NALF1: variants seen among roughly 807,000 people sequenced by gnomAD.
The protein encoded by NALF1 is NALCN channel auxiliary factor 1.
In NALF1, 3 loss-of-function variants were observed where a neutral mutation model predicts 48.4. The ratio of observed to expected loss-of-function variants is 0.06; its 90% CI spans 0.03 to 0.16. NALF1 has a LOEUF of 0.16. NALF1 is among the 10% of genes least tolerant of loss of function. The pLI is 1.00. For synonymous variants in NALF1, 262 were observed against 245.7 expected (o/e 1.07, Z -0.62); for missense variants, 526 against 571.5 (o/e 0.92, Z 0.81).
chr13:107,410,551 T>TACACATACATGTGCATGCAC (rs560357571), intron 1 of NALF1, among the ~76,000 whole-genome samples: 94 of 152,212 alleles, frequency 6.2e-4, no homozygotes, highest in Non-Finnish European at 1.1e-3. Context: ...CAATTAAAAA[T>TACACATACATGTGCATGCAC]ACACATACAT....
At chr13:107,834,037 G>T (rs557519348) in intron 1 of NALF1, among the ~76,000 whole-genome samples, 1 of 152,036 alleles carries the variant, frequency 6.6e-6, no homozygotes, top group South Asian at 2.1e-4. Flanking sequence ...AAATAATAAT[G>T]ATAGTAATCA....
chr13:107,703,163 T>G (rs1881865544), intron 1 of NALF1, among the ~76,000 whole-genome samples: 1 of 152,200 alleles, frequency 6.6e-6, no homozygotes, highest in South Asian at 2.1e-4. Flanking sequence ...TCACTCTTCT[T>G]ATTCACCTAC....
intron 1 of NALF1, among the ~76,000 whole-genome samples, chr13:107,256,211 T>A (rs536294579): frequency 1.1e-4 from 17 of 152,354 alleles, no homozygotes; most frequent in African/African-American, 3.8e-4. Context: ...TATTGTACTT[T>A]GTTGTACTGC....
intron 1 of NALF1, among the ~76,000 whole-genome samples, chr13:107,340,105 A>T (rs576436631): frequency 6.6e-6 from 1 of 152,056 alleles, no homozygotes; most frequent in East Asian, 1.9e-4. Flanking sequence ...TCTGTGTCTC[A>T]TGCTCAACTG....
In NALF1 at chr13:107,235,277, T is replaced by C. The variant is rs142458471; in HGVS notation, c.916-24522A>G. ...TTAATTATTATGTATGTGCTAATAA[T>C]TGCCTCTATTGAAAATTTCTGCTGC... On this transcript the variant is annotated intron_variant, in intron 1 of 2. Coordinates refer to ENST00000375915, the MANE Select transcript of NALF1 (RefSeq NM_001080396.3). Among the ~76,000 whole-genome samples the C allele has an allele frequency of 5.9e-3, 898 of 152,316 alleles. 7 individuals are homozygous for C. The highest frequency in any genetic ancestry group is 0.041 in the East Asian group (212 of 5,178).
chr13:107,397,537 G>T (rs1365838416), intron 1 of NALF1, among the ~76,000 whole-genome samples: 1 of 152,132 alleles, frequency 6.6e-6, no homozygotes, highest in Non-Finnish European at 1.5e-5. Flanking sequence ...AGGCAGTCAC[G>T]TAGGATTCTA....
chr13:107,525,619 G>C (rs1477134754), intron 1 of NALF1, among the ~76,000 whole-genome samples: 2 of 152,030 alleles, frequency 1.3e-5, no homozygotes, highest in East Asian at 3.9e-4. Flanking sequence ...CTGTCTGTCT[G>C]GGTAAATACT....
At chr13:107,528,822 C>T (rs1006823410) in intron 1 of NALF1, among the ~76,000 whole-genome samples, 1 of 151,992 alleles carries the variant, frequency 6.6e-6, no homozygotes, top group Admixed American at 6.6e-5. Flanking sequence ...AGTAAAGGAC[C>T]CAGCACAATC....
At chr13:107,720,416 C>T (rs537318523) in intron 1 of NALF1, among the ~76,000 whole-genome samples, 37 of 138,778 alleles carry the variant, frequency 2.7e-4, no homozygotes, top group African/African-American at 9.7e-4. Flanking sequence ...GAGGCTGAGG[C>T]AAGAGAATCG....
chr13:107,433,742 G>C lies in NALF1; in HGVS notation c.916-222987C>G, dbSNP rs1221509972. Among the ~76,000 whole-genome samples, 3 of 151,886 alleles carry C rather than the reference G, an allele frequency of 2.0e-5. No individual in the cohort carries two copies. In the East Asian group the frequency reaches 5.8e-4, roughly 29 times the overall value. ...CATCATCACAGATTATATACTATCA[G>C]AAATTCTCAGAGAAATAATAGATTT... On this transcript the variant is annotated intron_variant, in intron 1 of 2. Coordinates refer to ENST00000375915, the MANE Select transcript of NALF1 (RefSeq NM_001080396.3).
chr13:107,561,238 C>G (rs190632275), intron 1 of NALF1, among the ~76,000 whole-genome samples: 1 of 152,310 alleles, frequency 6.6e-6, no homozygotes, highest in East Asian at 1.9e-4. Flanking sequence ...TTCCCCTGTT[C>G]TGATGGAGAA....
chr13:107,563,092 C>T (rs192417121), intron 1 of NALF1, among the ~76,000 whole-genome samples: 1 of 152,134 alleles, frequency 6.6e-6, no homozygotes, highest in East Asian at 1.9e-4. Context: ...ACAACAACAA[C>T]AAAAAACCAT....
intron 1 of NALF1, among the ~76,000 whole-genome samples, chr13:107,828,959 G>A (rs1438241208): frequency 6.6e-6 from 1 of 152,040 alleles, no homozygotes; most frequent in East Asian, 1.9e-4. Flanking sequence ...TAGATTATGT[G>A]CACTGTTTTA....
At chr13:107,864,109 A>T (rs767779793) in intron 1 of NALF1, among the ~76,000 whole-genome samples, 11 of 152,218 alleles carry the variant, frequency 7.2e-5, no homozygotes, top group Admixed American at 1.3e-4. Flanking sequence ...AATAACTGCA[A>T]TTATTGCAGT....
chr13:107,694,687 C>CT (rs1881657841), intron 1 of NALF1, among the ~76,000 whole-genome samples: 1 of 152,008 alleles, frequency 6.6e-6, no homozygotes, highest in Non-Finnish European at 1.5e-5. Context: ...GTCCTGATTT[C>CT]TTAAGCAAAA....
intron 1 of NALF1, among the ~76,000 whole-genome samples, chr13:107,570,928 G>A (rs1460046708): frequency 6.6e-6 from 1 of 152,076 alleles, no homozygotes. Context: ...ATGAAAAAAA[G>A]ATAAAGAATC....
At chr13:107,782,981 C>G (rs1396791082) in intron 1 of NALF1, among the ~76,000 whole-genome samples, 10 of 148,342 alleles carry the variant, frequency 6.7e-5, no homozygotes, top group Non-Finnish European at 1.5e-4. Context: ...GGGTCAGCCC[C>G]CCGCCCGGCC....
At chr13:107,176,324 T>C (rs1350499015) in intron 2 of NALF1, among the ~76,000 whole-genome samples, 1 of 150,280 alleles carries the variant, frequency 6.7e-6, no homozygotes, top group African/African-American at 2.5e-5. Context: ...CAGTTTTTTT[T>C]TTTTTTTTTT....
intron 1 of NALF1, among the ~76,000 whole-genome samples, chr13:107,572,484 C>A (rs1390960445): frequency 6.6e-6 from 1 of 152,128 alleles, no homozygotes; most frequent in Non-Finnish European, 1.5e-5. Flanking sequence ...AAAACTGTCA[C>A]AAAAATGGTG....
Sources: allele counts gnomAD v4.1 joint callset (sites outside exome capture counted in the v4.1 genomes callset), GRCh38; gene constraint gnomAD v4.1.1; transcripts MANE v1.5; gene names NCBI Gene and HGNC (gene_info 2026-07-23, HGNC 2026-07-21).